Variants in CLIP1 observed in about 807,000 individuals in gnomAD.
CLIP1 encodes CAP-Gly domain containing linker protein 1.
A neutral mutation model predicts 161.6 loss-of-function variants in CLIP1; 66 were observed. That is an observed-to-expected ratio of 0.41 (90% CI 0.33 to 0.50). The LOEUF is 0.50. Ranked by LOEUF, CLIP1 falls within the 20% of genes least tolerant of loss-of-function variation. The probability of loss-of-function intolerance (pLI) is 0.27; values close to 1 mark genes in which losing one functional copy is unlikely to be tolerated. For missense variants in CLIP1, 1,376 were observed against 1,702.0 expected, an observed-to-expected ratio of 0.81 and a Z score of 3.37; for synonymous variants, 598 against 626.2, an observed-to-expected ratio of 0.96 and a Z score of 0.67.
chr12:122,390,149 T>C (rs558625242), intron 1 of CLIP1, among the ~76,000 whole-genome samples: 2 of 133,980 alleles, frequency 1.5e-5, no homozygotes, highest in Admixed American at 8.2e-5. Context: ...TCAATCTCTT[T>C]TCTAATAAAT....
At chr12:122,360,338 C>A (rs1398710615) in intron 5 of CLIP1, among the ~76,000 whole-genome samples, 1 of 151,088 alleles carries the variant, frequency 6.6e-6, no homozygotes, top group African/African-American at 2.4e-5. Context: ...CTTTGGAAGT[C>A]CAGGGCAAGA....
chr12:122,346,508 G>A (rs1952756222), intron 10 of CLIP1, among the ~76,000 whole-genome samples: 1 of 152,036 alleles, frequency 6.6e-6, no homozygotes, highest in South Asian at 2.1e-4. Flanking sequence ...TTTTTGTTTT[G>A]TTTTGTTTTT....
intron 1 of CLIP1, among the ~76,000 whole-genome samples, chr12:122,420,978 G>A (rs1187010774): frequency 1.3e-5 from 2 of 151,012 alleles, no homozygotes; most frequent in Non-Finnish European, 3.0e-5. Flanking sequence ...CAGACAGACA[G>A]ACTAGCCTTG....
chr12:122,330,414 C>T (rs938867070), intron 15 of CLIP1, among the ~76,000 whole-genome samples: 1 of 152,074 alleles, frequency 6.6e-6, no homozygotes, highest in Non-Finnish European at 1.5e-5. Flanking sequence ...CAGGTATTAA[C>T]ACTTTTAAGA....
intron 4 of CLIP1, among the ~76,000 whole-genome samples, chr12:122,362,801 A>G (rs1419301662): frequency 6.6e-6 from 1 of 151,910 alleles, no homozygotes; most frequent in East Asian, 1.9e-4. Context: ...GGAAAAAAAA[A>G]AAGTAAACAT....
At chr12:122,297,318 G>A (rs1048962630) in intron 20 of CLIP1, among the ~76,000 whole-genome samples, 2 of 152,112 alleles carry the variant, frequency 1.3e-5, no homozygotes, top group African/African-American at 4.8e-5. Context: ...TGCTTTGTAG[G>A]CTCAGTAAAA....
chr12:122,286,384 G>A (rs1288542389), intron 21 of CLIP1, among the ~76,000 whole-genome samples: 6 of 151,816 alleles, frequency 4.0e-5, no homozygotes, highest in Non-Finnish European at 7.4e-5. Context: ...AGGCATGGTG[G>A]TGCACGCCTG....
chr12:122,403,202 C>G (rs944323231), intron 1 of CLIP1, among the ~76,000 whole-genome samples: 8 of 152,122 alleles, frequency 5.3e-5, no homozygotes, highest in Admixed American at 4.6e-4. Flanking sequence ...TTTAATTGTT[C>G]TTAGCATAGA....
intron 1 of CLIP1, among the ~76,000 whole-genome samples, chr12:122,381,804 T>C (rs1955023681): frequency 6.6e-6 from 1 of 152,180 alleles, no homozygotes; most frequent in Non-Finnish European, 1.5e-5. Context: ...CCCAAAGACA[T>C]GTCCCCCAGC....
chr12:122,345,463 CTCTT>C (rs1952703217), intron 10 of CLIP1, among the ~76,000 whole-genome samples: 1 of 151,636 alleles, frequency 6.6e-6, no homozygotes, highest in African/African-American at 2.4e-5. Context: ...GCCTGGCCCA[CTCTT>C]TTTTTGTTTT....
At chr12:122,349,887 T>G (rs7978512) in intron 9 of CLIP1, among the ~76,000 whole-genome samples, 3,345 of 72,786 alleles carry the variant, frequency 0.046, 121 homozygotes, top group African/African-American at 0.12. Flanking sequence ...CAGTCTTGTG[T>G]TTTTTTGTTT....
intron 20 of CLIP1, 140 bp downstream of exon 20, chr12:122,309,622 A>T: frequency 1.0e-6 from 1 of 960,592 alleles, no homozygotes; most frequent in Non-Finnish European, 1.6e-6. Context: ...ACAAGGAGAC[A>T]CATAGCACAG....
intron 2 of CLIP1, among the ~76,000 whole-genome samples, chr12:122,380,019 T>A (rs6488941): frequency 2.0e-5 from 3 of 149,276 alleles, no homozygotes; most frequent in Admixed American, 1.3e-4. Flanking sequence ...CCGAGGTGGG[T>A]GGATCACGAG....
intron 24 of CLIP1, 42 bp downstream of exon 24, chr12:122,278,112 G>A (rs1486435771): frequency 1.3e-6 from 2 of 1,552,760 alleles, no homozygotes; most frequent in Non-Finnish European, 1.7e-6. Flanking sequence ...CAATGATTTT[G>A]AAAAACAGCA....
chr12:122,347,487 TAA>T lies in CLIP1; in HGVS notation c.1402-10_1402-9del, dbSNP rs754683170. ...CTCCAGTTTGGTCTGCGTCTGTTAG[TAA>T]AAAGGAAGAGGAAGAGAACACAACA... On this transcript the variant is annotated splice_polypyrimidine_tract_variant and intron_variant, in intron 9 of 25. Coordinates refer to ENST00000620786, the MANE Select transcript of CLIP1 (RefSeq NM_001247997.2). 1.9e-6 allele frequency: 3 copies of T among 1,606,680 alleles called. No homozygotes were observed. In the Admixed American group the frequency reaches 5.0e-5, roughly 27 times the overall value.
chr12:122,354,751 A>G (rs934538165), intron 6 of CLIP1, 195 bp from the exon 7 acceptor site: 1 of 586,272 alleles, frequency 1.7e-6, no homozygotes, highest in African/African-American at 1.9e-5. Flanking sequence ...GTGATAAAGA[A>G]CAATGTTAAA....
intron 1 of CLIP1, among the ~76,000 whole-genome samples, chr12:122,417,122 C>A (rs1295907187): frequency 1.3e-5 from 2 of 151,900 alleles, no homozygotes; most frequent in East Asian, 1.9e-4. Context: ...CATGGTGAAA[C>A]CCCGTCTCTA....
chr12:122,355,229 G>A lies in CLIP1; in HGVS notation c.1089C>T (p.His363=), dbSNP rs377543129. ...LQEALKEKQQ[H]IEQLLAERDL... Reference sequence around the variant, plus strand: ...CCCGTTCCGCCAGCAGCTGCTCAATGTGCTGCTGCTTCTCCTTCAGGGCCT... The same window carrying A: ...CCCGTTCCGCCAGCAGCTGCTCAATATGCTGCTGCTTCTCCTTCAGGGCCT... Residue 363 remains histidine (H), a synonymous_variant, in exon 6 of 26, where the codon CAC becomes CAT. Coordinates refer to ENST00000620786, the MANE Select transcript of CLIP1 (RefSeq NM_001247997.2). The surrounding 1 kb of genome is among the most constrained non-coding windows in gnomAD (Gnocchi z 4.1). 2.3e-5 allele frequency: 37 copies of A among 1,614,092 alleles called. No individual in the cohort carries two copies. The highest frequency in any genetic ancestry group is 3.0e-5 in the Non-Finnish European group (35 of 1,180,014).
At chr12:122,294,793 TA>T in intron 20 of CLIP1, among the ~76,000 whole-genome samples, 1 of 151,820 alleles carries the variant, frequency 6.6e-6, no homozygotes, top group Non-Finnish European at 1.5e-5. Flanking sequence ...CTCACGTCTG[TA>T]ATCTCAGCAC....
Sources: gnomAD v4.1 joint callset for allele counts (sites outside exome capture counted in the v4.1 genomes callset) on GRCh38, gnomAD v4.1.1 for gene constraint, Gnocchi (gnomAD v3.1) non-coding constraint, MANE v1.5 for transcripts, NCBI Gene and HGNC (gene_info 2026-07-23, HGNC 2026-07-21) for gene names.